ARHGAP33: variants seen among roughly 807,000 people sequenced by gnomAD.
ARHGAP33 encodes rho GTPase-activating protein 33.
ARHGAP33 carries 57 observed loss-of-function variants against 126.2 expected under a neutral mutation model. The observed-to-expected ratio is 0.45, with a 90% confidence interval of 0.36 to 0.56. The LOEUF (loss-of-function observed/expected upper bound fraction) is 0.56, where lower values mean the gene tolerates loss of function less well. Among genes scored for constraint, ARHGAP33 ranks in the 20% least tolerant of loss-of-function variants. ARHGAP33 has a pLI of 0.00. For missense variants in ARHGAP33, 1,500 were observed against 1,748.3 expected (o/e 0.86, Z 2.53); for synonymous variants, 711 against 755.0 (o/e 0.94, Z 0.95).
In ARHGAP33 at chr19:35,785,967, T is replaced by C. The variant is rs1422986174; in HGVS notation, c.1943-446T>C. The C allele has an allele frequency of 1.0e-5, 11 of 1,081,034 alleles. No individual in the cohort carries two copies. The Admixed American group carries it at 1.4e-4, about 14-fold the overall frequency. 67.0% of individuals were successfully genotyped at this position (1,081,034 alleles called of 1,614,324 possible). A position where few individuals can be genotyped will look rare whatever the true frequency, so the allele number is the denominator to read the frequency against. On this transcript the variant is annotated intron_variant, in intron 19 of 20. Coordinates refer to ENST00000007510, the MANE Select transcript of ARHGAP33 (RefSeq NM_001366178.1). ...GCGTTGTAAGAAAGGGATGCCGCAC[T>C]GTATGGGGAGCTTGGCTTTTTCTCC...
At position 35,788,570 on chromosome 19, in the gene ARHGAP33, C is replaced by G; in HGVS notation, c.*141C>G. 1 of 730,484 alleles carries G rather than the reference C, an allele frequency of 1.4e-6. No homozygotes were observed. Among genetic ancestry groups the G allele is most frequent in the Non-Finnish European group, 2.1e-6 (1 of 472,748 alleles). 45.3% of individuals were successfully genotyped at this position (730,484 alleles called of 1,614,324 possible). On this transcript the variant is annotated 3_prime_UTR_variant, in exon 21 of 21. Transcript: ENST00000007510. ...TTGTAACTTGCTTCTGATGTGGGTCCCTAACCTATAATCTCAGCTTCCCTA... is the reference window on the plus strand; with the variant it reads ...TTGTAACTTGCTTCTGATGTGGGTCGCTAACCTATAATCTCAGCTTCCCTA...
intron 1 of ARHGAP33, among the ~76,000 whole-genome samples, chr19:35,776,506 C>T (rs574841751): frequency 2.6e-5 from 4 of 152,280 alleles, no homozygotes; most frequent in East Asian, 1.9e-4. Context: ...CTGAGGGTGA[C>T]TGGGGGTTGC....
At position 35,782,911 on chromosome 19, in the gene ARHGAP33, C is replaced by G; in HGVS notation, c.1421+42C>G. The G allele has an allele frequency of 6.5e-7, 1 of 1,539,412 alleles. No homozygotes were observed. Among genetic ancestry groups the G allele is most frequent in the Non-Finnish European group, 8.8e-7 (1 of 1,131,642 alleles). On this transcript the variant is annotated intron_variant, in intron 15 of 20. Transcript: ENST00000007510. This position sits in a 1 kb window ranked among gnomAD's most constrained non-coding sequence, Gnocchi z 4.1. Reference sequence around the variant, plus strand: ...CCTGCCTGCCCCTCAGGTCTTTCCCCAAAACCACCCCAGGAACCCGCCCAG... The same window carrying G: ...CCTGCCTGCCCCTCAGGTCTTTCCCGAAAACCACCCCAGGAACCCGCCCAG...
intron 1 of ARHGAP33, among the ~76,000 whole-genome samples, chr19:35,776,617 G>C (rs1055622059): frequency 6.6e-6 from 1 of 152,230 alleles, no homozygotes; most frequent in Non-Finnish European, 1.5e-5. Context: ...GCGCGACTGG[G>C]CTGGCACTGG....
chr19:35,780,111 C>A (rs1039322895), intron 6 of ARHGAP33, 100 bp from the exon 7 acceptor site: 2 of 1,497,388 alleles, frequency 1.3e-6, no homozygotes, highest in Non-Finnish European at 1.8e-6. Flanking sequence ...GGGCTCTTGA[C>A]GGGGGCGGGC....
chr19:35,787,365 T>A lies in ARHGAP33; in HGVS notation c.2800T>A (p.Ser934Thr). Residue 934 changes from serine to threonine, a missense_variant, in exon 21 of 21, where the codon TCG (serine) becomes ACG (threonine). Ser to Thr is a moderately conservative substitution (Grantham distance 58). This residue lies in a region of ARHGAP33 where 642 missense variants were observed against 634.0 expected (regional missense o/e 1.01). Coordinates refer to ENST00000007510, the MANE Select transcript of ARHGAP33 (RefSeq NM_001366178.1). ...PPASQSPFHR[S>T]LSLEVGGEPL... ...TGCTTCCCAATCCCCCTTCCACCGC[T>A]CGCTGTCTCTGGAGGTGGGCGGGGA... The A allele has an allele frequency of 6.2e-7, 1 of 1,609,746 alleles. No homozygotes were observed. Among genetic ancestry groups the A allele is most frequent in the Non-Finnish European group, 8.5e-7 (1 of 1,177,762 alleles).
chr19:35,785,613 C>A, intron 19 of ARHGAP33, 130 bp downstream of exon 19: 1 of 1,487,658 alleles, frequency 6.7e-7, no homozygotes, highest in Non-Finnish European at 8.9e-7. Flanking sequence ...AAAATTTAAC[C>A]TGGCCTTTAT....
intron 6 of ARHGAP33, among the ~76,000 whole-genome samples, chr19:35,779,587 G>A (rs768758542): frequency 6.6e-6 from 1 of 152,016 alleles, no homozygotes; most frequent in African/African-American, 2.4e-5. Context: ...GTGCCACCAC[G>A]CCCGGCTAAT....
Position 35,788,660 on chromosome 19 carries a change from TG to T in ARHGAP33, c.*235del, listed in dbSNP as rs1460255298. The T allele has an allele frequency of 3.4e-5, 17 of 493,354 alleles. No homozygotes were observed. Among genetic ancestry groups the T allele is most frequent in the Non-Finnish European group, 3.5e-6 (1 of 282,584 alleles). 30.6% of individuals were successfully genotyped at this position (493,354 alleles called of 1,614,324 possible). A position where few individuals can be genotyped will look rare whatever the true frequency, so the allele number is the denominator to read the frequency against. The stretch of plus-strand genomic sequence containing the variant: ...CATCCTGGGGGCCCTCGCACAAATC[TG>T]GGGTGGGAGGGGCTAGGCTGACCCC... On this transcript the variant is annotated 3_prime_UTR_variant, in exon 21 of 21. Coordinates refer to ENST00000007510, the MANE Select transcript of ARHGAP33 (RefSeq NM_001366178.1).
intron 6 of ARHGAP33, among the ~76,000 whole-genome samples, chr19:35,779,410 T>C (rs1971628178): frequency 1.3e-5 from 2 of 152,242 alleles, no homozygotes; most frequent in Admixed American, 1.3e-4. Flanking sequence ...CACCTGGCTA[T>C]GAGTGGCTTA....
chr19:35,780,175 C>G, intron 6 of ARHGAP33, 36 bp from the exon 7 acceptor site: 1 of 1,609,402 alleles, frequency 6.2e-7, no homozygotes, highest in Non-Finnish European at 8.5e-7. Flanking sequence ...ACACCGTCTT[C>G]TGACCTGTCC....
Position 35,785,413 on chromosome 19 carries a change from C to A in ARHGAP33, c.1872C>A (p.Ser624Arg), listed in dbSNP as rs1442807161. ...GTRAPPQPSG[S>R]RPDTVTLRSA... ...CTACCTCTCCCTCTCCTGCAGGCAG[C>A]AGACCCGACACCGTCACACTGAGAT... The change falls in exon 19 of 21, where the codon AGC becomes AGA. Residue 624 changes from serine to arginine, a missense_variant. Physicochemically the swap from Ser to Arg is moderately radical, Grantham distance 110. Transcript: ENST00000007510. The A allele has an allele frequency of 6.2e-7, 1 of 1,614,214 alleles. No individual in the cohort carries two copies. The highest frequency in any genetic ancestry group is 8.5e-7 in the Non-Finnish European group (1 of 1,180,032).
Position 35,787,439 on chromosome 19 carries a change from C to T in ARHGAP33, c.2874C>T (p.His958=), listed in dbSNP as rs766996032. ...GSGPPPNSLA[H]PGAWVPGPPP... ...GGCCACCTCCCAACTCCCTAGCACA[C>T]CCGGGTGCCTGGGTCCCGGGACCCC... is the stretch of plus-strand genomic sequence containing the variant. The change falls in exon 21 of 21, where the codon CAC becomes CAT. Residue 958 remains histidine, a synonymous_variant. Transcript: ENST00000007510. The T allele has an allele frequency of 4.3e-6, 7 of 1,612,150 alleles. No individual in the cohort carries two copies. The highest frequency in any genetic ancestry group is 5.9e-6 in the Non-Finnish European group (7 of 1,179,278).
In ARHGAP33 at chr19:35,784,990, C is replaced by T. The variant is rs1233291083; in HGVS notation, c.1605C>T (p.Gly535=). The T allele has an allele frequency of 6.5e-7, 1 of 1,546,252 alleles. No homozygotes were observed. Among genetic ancestry groups the T allele is most frequent in the South Asian group, 1.2e-5 (1 of 84,008 alleles). The stretch of plus-strand genomic sequence containing the variant: ...TCCCCAGGCCCAAGTCCCTTGCGGG[C>T]AGCTGCCCCTCCACCCGCCTGCTGA... ...CLLPRPKSLA[G]SCPSTRLLTL... Residue 535 remains glycine, a synonymous_variant, in exon 17 of 21, where the codon GGC becomes GGT. Transcript: ENST00000007510.
chr19:35,785,349 C>T lies in ARHGAP33; in HGVS notation c.1867+15C>T. Reference sequence around the variant, plus strand: ...GCAGCCTTCAGGTGAGAGGCTGAGCCATGGGCTGGTGGGCAGCGATGGTCG... The same window carrying T: ...GCAGCCTTCAGGTGAGAGGCTGAGCTATGGGCTGGTGGGCAGCGATGGTCG... On this transcript the variant is annotated intron_variant, in intron 18 of 20. Transcript: ENST00000007510. The T allele has an allele frequency of 1.9e-6, 3 of 1,613,906 alleles. 1 individual carries two copies. The highest frequency in any genetic ancestry group is 2.7e-5 in the African/African-American group (2 of 75,058).
intron 19 of ARHGAP33, chr19:35,785,922 T>C (rs1274711457): frequency 1.0e-5 from 11 of 1,060,546 alleles, no homozygotes; most frequent in Admixed American, 4.9e-5. Flanking sequence ...TCTAGCCATT[T>C]TGGAAACTTG....
chr19:35,782,696 A>G lies in ARHGAP33; in HGVS notation c.1313+17A>G, dbSNP rs1184389262. ...ACATTACAGGTAAACCAGGAGGGGC[A>G]GGGCGGGACTTGGTGGGATTCCAAG... On this transcript the variant is annotated intron_variant, in intron 14 of 20. Transcript: ENST00000007510. The surrounding 1 kb of genome is among the most constrained non-coding windows in gnomAD (Gnocchi z 4.1). 6.2e-7 allele frequency: 1 copy of G among 1,611,402 alleles called. No individual in the cohort carries two copies. Among genetic ancestry groups the G allele is most frequent in the Admixed American group, 1.7e-5 (1 of 59,646 alleles).
intron 16 of ARHGAP33, chr19:35,784,665 C>T: frequency 7.7e-7 from 1 of 1,296,532 alleles, no homozygotes; most frequent in Non-Finnish European, 9.7e-7. Flanking sequence ...CGGACCCCAG[C>T]CCAGTCAGGA....
chr19:35,777,898 G>A lies in ARHGAP33; in HGVS notation c.179G>A (p.Gly60Asp). 1 of 1,614,184 alleles carries A rather than the reference G, an allele frequency of 6.2e-7. No individual in the cohort carries two copies. Among genetic ancestry groups the A allele is most frequent in the Non-Finnish European group, 8.5e-7 (1 of 1,180,018 alleles). The change falls in exon 3 of 21, where the codon GGC (glycine) becomes GAC (aspartate). Residue 60 changes from glycine (G) to aspartate (D), a missense_variant. Physicochemically the swap from Gly to Asp is moderately conservative, Grantham distance 94. Around this residue, in one of 6 missense-constraint regions of ARHGAP33, gnomAD observed 129 missense variants for 145.9 expected, o/e 0.88. Coordinates refer to ENST00000007510, the MANE Select transcript of ARHGAP33 (RefSeq NM_001366178.1). ...AHFHYENVDF[G>D]HIQLLLSPDR... ...TTCCACTACGAGAACGTTGACTTTG[G>A]CCACATTCAGGTATGGGGGCTTTGC...
Sources: gnomAD v4.1 joint callset for allele counts (sites outside exome capture counted in the v4.1 genomes callset) on GRCh38, gnomAD v4.1.1 for gene constraint, gnomAD v4.1.1 regional missense constraint, Gnocchi (gnomAD v3.1) non-coding constraint, MANE v1.5 for transcripts, NCBI Gene and HGNC (gene_info 2026-07-23, HGNC 2026-07-21) for gene names.